SLC4A4: variants seen among roughly 807,000 people sequenced by gnomAD.
The protein encoded by SLC4A4 is electrogenic sodium bicarbonate cotransporter 1.
Under a neutral mutation model 111.5 loss-of-function variants are expected in SLC4A4, and 27 were observed. The ratio of observed to expected loss-of-function variants is 0.24; its 90% CI spans 0.18 to 0.33. The LOEUF (loss-of-function observed/expected upper bound fraction) is 0.33. SLC4A4 is among the 10% of genes least tolerant of loss of function. The probability of loss-of-function intolerance (pLI) is 1.00; values close to 1 mark genes in which losing one functional copy is unlikely to be tolerated. For missense variants in SLC4A4, 909 were observed against 1,315.5 expected (o/e 0.69, Z 4.78); for synonymous variants, 443 against 463.4 (o/e 0.96, Z 0.57).
intron 14 of SLC4A4, among the ~76,000 whole-genome samples, chr4:71,480,729 A>G (rs1283649468): frequency 6.6e-6 from 1 of 151,736 alleles, no homozygotes; most frequent in Non-Finnish European, 1.5e-5. Flanking sequence ...ATCATGGAAA[A>G]TAGTCTTAAA....
At chr4:71,235,129 G>C (rs1300094897) in intron 1 of SLC4A4, among the ~76,000 whole-genome samples, 1 of 152,158 alleles carries the variant, frequency 6.6e-6, no homozygotes, top group Non-Finnish European at 1.5e-5. Context: ...TATTACCCCA[G>C]TTTTATAGAT....
intron 1 of SLC4A4, among the ~76,000 whole-genome samples, chr4:71,074,211 A>G (rs1741748848): frequency 6.6e-6 from 1 of 152,200 alleles, no homozygotes; most frequent in Non-Finnish European, 1.5e-5. Context: ...ATAATAAATG[A>G]GAATCTTCAA....
chr4:71,172,812 C>T (rs1191202538), intron 2 of SLC4A4, among the ~76,000 whole-genome samples: 1 of 152,088 alleles, frequency 6.6e-6, no homozygotes, highest in Non-Finnish European at 1.5e-5. Flanking sequence ...AAAAGATTTC[C>T]CTCCTCCGCT....
chr4:71,485,155 G>T (rs1491000389), intron 14 of SLC4A4, among the ~76,000 whole-genome samples: 2 of 151,780 alleles, frequency 1.3e-5, no homozygotes, highest in Middle Eastern at 6.8e-3. Context: ...GATTGCCCTG[G>T]CCATTACTTC....
At chr4:71,233,048 G>T (rs373493265) in intron 1 of SLC4A4, among the ~76,000 whole-genome samples, 1 of 152,350 alleles carries the variant, frequency 6.6e-6, no homozygotes, top group East Asian at 1.9e-4. Flanking sequence ...TCATTAAACT[G>T]TCATCCTTAT....
intron 2 of SLC4A4, among the ~76,000 whole-genome samples, chr4:71,131,875 T>A (rs1435266698): frequency 6.6e-6 from 1 of 152,182 alleles, no homozygotes; most frequent in Non-Finnish European, 1.5e-5. Context: ...CCCATCTGTA[T>A]CCATCTCCCA....
At chr4:71,559,567 A>C (rs1736771655) in intron 22 of SLC4A4, among the ~76,000 whole-genome samples, 3 of 152,026 alleles carry the variant, frequency 2.0e-5, no homozygotes, top group Non-Finnish European at 4.4e-5. Context: ...TTAAATATTC[A>C]GTTAACGGTG....
At chr4:71,362,304 C>T (rs987456071) in intron 6 of SLC4A4, among the ~76,000 whole-genome samples, 1 of 152,102 alleles carries the variant, frequency 6.6e-6, no homozygotes, top group Non-Finnish European at 1.5e-5. Context: ...TACGACCTCA[C>T]TTTGTATTAG....
At chr4:71,289,748 G>C (rs1724190435) in intron 3 of SLC4A4, among the ~76,000 whole-genome samples, 2 of 152,188 alleles carry the variant, frequency 1.3e-5, no homozygotes. Context: ...CCATAGGTTT[G>C]GAAGTGAAGC....
At chr4:71,094,250 T>C (rs1388049055) in intron 2 of SLC4A4, among the ~76,000 whole-genome samples, 1 of 152,188 alleles carries the variant, frequency 6.6e-6, no homozygotes, top group East Asian at 1.9e-4. Context: ...CATCAGGGTG[T>C]CTTGTCCTGC....
chr4:71,494,438 A>C (rs1488669658), intron 15 of SLC4A4, among the ~76,000 whole-genome samples: 1 of 151,800 alleles, frequency 6.6e-6, no homozygotes, highest in East Asian at 1.9e-4. Flanking sequence ...CTCAGTCTCC[A>C]GAGTAGCTAG....
rs189007908 is a variant in SLC4A4, at chr4:71,098,553, A to T, written c.-2+5761A>T. Among the ~76,000 whole-genome samples, 243 of 152,148 alleles carry T rather than the reference A, an allele frequency of 1.6e-3. 1 individual carries two copies. Among genetic ancestry groups the T allele is most frequent in the African/African-American group, 5.6e-3 (232 of 41,550 alleles). ...TGAATTTTAAAATAGTTTTTTCCACAAAAAGAAACTGGCATAATAACCAGC... is the reference window on the plus strand; with the variant it reads ...TGAATTTTAAAATAGTTTTTTCCACTAAAAGAAACTGGCATAATAACCAGC... On this transcript the variant is annotated intron_variant, in intron 2 of 26. Coordinates refer to the SLC4A4 transcript ENST00000649996.
At chr4:71,121,532 C>A (rs1382246690) in intron 2 of SLC4A4, among the ~76,000 whole-genome samples, 2 of 152,166 alleles carry the variant, frequency 1.3e-5, no homozygotes, top group Non-Finnish European at 2.9e-5. Flanking sequence ...TGTGAAGGCA[C>A]CAATCAGCAC....
chr4:71,520,194 A>G (rs549366088), intron 16 of SLC4A4, among the ~76,000 whole-genome samples: 2 of 152,350 alleles, frequency 1.3e-5, no homozygotes, highest in Non-Finnish European at 2.9e-5. Context: ...AAACCTCTAA[A>G]GACTCAAAAT....
chr4:71,305,644 A>C (rs989873442), intron 3 of SLC4A4, among the ~76,000 whole-genome samples: 1 of 152,234 alleles, frequency 6.6e-6, no homozygotes, highest in Admixed American at 6.5e-5. Flanking sequence ...TGTGAATCTC[A>C]GAGCATATTA....
intron 16 of SLC4A4, among the ~76,000 whole-genome samples, chr4:71,524,513 C>G (rs2149198547): frequency 6.6e-6 from 1 of 152,262 alleles, no homozygotes; most frequent in Admixed American, 6.5e-5. Flanking sequence ...CTCCTCAAAT[C>G]TCTTTGACTT....
intron 2 of SLC4A4, among the ~76,000 whole-genome samples, chr4:71,143,635 G>A (rs1372355556): frequency 7.9e-5 from 12 of 152,042 alleles, no homozygotes; most frequent in Admixed American, 4.6e-4. Flanking sequence ...TTTAATGATC[G>A]CCATTCTAAC....
chr4:71,130,613 A>G (rs1743676399), intron 2 of SLC4A4, among the ~76,000 whole-genome samples: 1 of 152,170 alleles, frequency 6.6e-6, no homozygotes, highest in South Asian at 2.1e-4. Context: ...TTATTTTGTT[A>G]AATGAGTGTC....
intron 3 of SLC4A4, among the ~76,000 whole-genome samples, chr4:71,314,631 G>A (rs1230802630): frequency 2.0e-5 from 3 of 152,096 alleles, no homozygotes; most frequent in Admixed American, 2.0e-4. Context: ...CATGGATGAA[G>A]CTGGAAACCA....
Sources: gnomAD v4.1 joint callset for allele counts (sites outside exome capture counted in the v4.1 genomes callset) on GRCh38, gnomAD v4.1.1 for gene constraint, MANE v1.5 for transcripts, NCBI Gene and HGNC (gene_info 2026-07-23, HGNC 2026-07-21) for gene names.